The following FRY variants were observed in gnomAD, a reference collection of about 807,000 sequenced individuals.
FRY encodes the protein protein furry homolog.
A neutral mutation model predicts 348.4 loss-of-function variants in FRY; 128 were observed. That is an observed-to-expected ratio of 0.37 (90% CI 0.32 to 0.43). The LOEUF (loss-of-function observed/expected upper bound fraction) is 0.43, where lower values mean the gene tolerates loss of function less well. Ranked by LOEUF, FRY falls within the 20% of genes least tolerant of loss-of-function variation. The probability of loss-of-function intolerance (pLI) is 1.00; values close to 1 mark genes in which losing one functional copy is unlikely to be tolerated. For synonymous variants in FRY, 1,370 were observed against 1,374.7 expected (o/e 1.00, Z 0.08); for missense variants, 2,736 against 3,695.2 (o/e 0.74, Z 6.73).
intron 29 of FRY, among the ~76,000 whole-genome samples, chr13:32,196,362 AC>A (rs1220181916): frequency 6.6e-6 from 1 of 152,188 alleles, no homozygotes; most frequent in Non-Finnish European, 1.5e-5. Flanking sequence ...TTATTAAGAA[AC>A]CACTCATAAT....
At chr13:32,111,437 G>C (rs544668979) in intron 3 of FRY, among the ~76,000 whole-genome samples, 1 of 152,006 alleles carries the variant, frequency 6.6e-6, no homozygotes, top group Non-Finnish European at 1.5e-5. Context: ...CAGAGGTTGC[G>C]GTGAGCCGAG....
intron 2 of FRY, among the ~76,000 whole-genome samples, chr13:32,101,348 A>G (rs919822261): frequency 2.0e-5 from 3 of 152,100 alleles, no homozygotes; most frequent in Non-Finnish European, 2.9e-5. Flanking sequence ...TATGTAGCAC[A>G]TTTTCTTTAT....
At chr13:32,189,090 TGTAAACTG>T (rs1448308065) in intron 28 of FRY, among the ~76,000 whole-genome samples, 2 of 152,156 alleles carry the variant, frequency 1.3e-5, no homozygotes, top group Non-Finnish European at 2.9e-5. Flanking sequence ...GTTTTCTATT[TGTAAACTG>T]CTAATTTCTT....
At chr13:32,122,482 G>A (rs1273028065) in intron 4 of FRY, among the ~76,000 whole-genome samples, 7 of 150,988 alleles carry the variant, frequency 4.6e-5, no homozygotes, top group African/African-American at 9.7e-5. Context: ...GACAAAATCC[G>A]GCATCTCTTT....
chr13:32,166,383 G>C (rs1593688264), intron 17 of FRY, among the ~76,000 whole-genome samples: 1 of 152,124 alleles, frequency 6.6e-6, no homozygotes, highest in Non-Finnish European at 1.5e-5. Context: ...CCAGCTGGGG[G>C]AACTGCTGTC....
intron 53 of FRY, among the ~76,000 whole-genome samples, chr13:32,262,680 T>C (rs1887721217): frequency 6.6e-6 from 1 of 152,238 alleles, no homozygotes. Flanking sequence ...TGAGCAGCCA[T>C]CTTCTTGGCT....
chr13:32,049,289 C>T (rs113119297), intron 1 of FRY, among the ~76,000 whole-genome samples: 3,844 of 152,046 alleles, frequency 0.025, 165 homozygotes, highest in African/African-American at 0.088. Flanking sequence ...TGGGGAGGTG[C>T]CTGAGGGAAT....
At chr13:32,046,809 CT>C (rs971501076) in intron 1 of FRY, among the ~76,000 whole-genome samples, 2 of 151,922 alleles carry the variant, frequency 1.3e-5, no homozygotes, top group Non-Finnish European at 2.9e-5. Flanking sequence ...ATTTTTCTGC[CT>C]TTTTGACCAC....
At chr13:32,231,067 T>C in intron 40 of FRY, 112 bp from the exon 41 acceptor site, 1 of 863,896 alleles carries the variant, frequency 1.2e-6, no homozygotes, top group South Asian at 1.7e-5. Flanking sequence ...GTCAGATGCA[T>C]AGATTGCAAA....
At chr13:32,059,548 T>C (rs1873820289) in intron 1 of FRY, among the ~76,000 whole-genome samples, 1 of 151,708 alleles carries the variant, frequency 6.6e-6, no homozygotes, top group Non-Finnish European at 1.5e-5. Flanking sequence ...CTTTCATCTT[T>C]TTTTTGTTAT....
chr13:32,148,984 A>G (rs1190997751), intron 13 of FRY, among the ~76,000 whole-genome samples: 2 of 151,210 alleles, frequency 1.3e-5, no homozygotes, highest in African/African-American at 4.8e-5. Context: ...ATTCTGGAAT[A>G]TGTTGTATAA....
In FRY at chr13:32,089,849, G is replaced by A. The variant is rs186131915; in HGVS notation, c.270+10816G>A. 5.9e-5 allele frequency among the ~76,000 whole-genome samples: 9 copies of A among 152,296 alleles called. No individual in the cohort carries two copies. In the East Asian group the frequency reaches 7.7e-4, roughly 13 times the overall value. On this transcript the variant is annotated intron_variant, in intron 2 of 60. Transcript: ENST00000542859. ...GGGCAATTCAAGTGGAAAGAAGGGA[G>A]TGAACATTGCAGCTAAAAGATCCAG...
At chr13:32,107,287 G>A (rs561532415) in intron 3 of FRY, among the ~76,000 whole-genome samples, 2 of 152,178 alleles carry the variant, frequency 1.3e-5, no homozygotes, top group African/African-American at 4.8e-5. Context: ...AACCTGGGAG[G>A]CAGAGGTTGC....
chr13:32,124,709 T>C (rs1026696914), intron 6 of FRY, 28 bp downstream of exon 6: 1 of 1,522,642 alleles, frequency 6.6e-7, no homozygotes, highest in Non-Finnish European at 9.1e-7. Context: ...CTTAGAATGT[T>C]GAAGTTGGTG....
intron 13 of FRY, 92 bp downstream of exon 13, chr13:32,148,039 A>C: frequency 1.3e-6 from 1 of 797,206 alleles, no homozygotes; most frequent in South Asian, 1.4e-5. Flanking sequence ...GGAAAGTCTA[A>C]ATTAGCATCT....
intron 7 of FRY, among the ~76,000 whole-genome samples, chr13:32,127,531 A>G (rs1879092623): frequency 6.6e-6 from 1 of 152,212 alleles, no homozygotes; most frequent in Non-Finnish European, 1.5e-5. Flanking sequence ...TAATTCCATC[A>G]CTTTGGGAGG....
intron 14 of FRY, among the ~76,000 whole-genome samples, 158 bp downstream of exon 14, chr13:32,149,992 A>G (rs1042737184): frequency 2.6e-5 from 4 of 152,236 alleles, no homozygotes; most frequent in Non-Finnish European, 4.4e-5. Flanking sequence ...GAATTTCAGA[A>G]GTAAAATTTT....
intron 46 of FRY, among the ~76,000 whole-genome samples, chr13:32,243,835 A>G (rs948253006): frequency 1.3e-5 from 2 of 152,190 alleles, no homozygotes; most frequent in East Asian, 1.9e-4. Context: ...GCTCTTGCCT[A>G]TAATCCCAGA....
intron 51 of FRY, 154 bp from the exon 52 acceptor site, chr13:32,261,462 C>T (rs1395209312): frequency 1.3e-6 from 1 of 784,650 alleles, no homozygotes; most frequent in African/African-American, 1.7e-5. Flanking sequence ...CTACTTTTCA[C>T]ATTGGGTAAA....
Sources: allele counts gnomAD v4.1 joint callset (sites outside exome capture counted in the v4.1 genomes callset), GRCh38; gene constraint gnomAD v4.1.1; transcripts MANE v1.5; gene names NCBI Gene and HGNC (gene_info 2026-07-23, HGNC 2026-07-21).